The following PLEKHA1 variants were observed in gnomAD, a reference collection of about 807,000 sequenced individuals.
The protein encoded by PLEKHA1 is pleckstrin homology domain containing A1, also known as pleckstrin homology domain-containing family A member 1.
In PLEKHA1, 34 loss-of-function variants were observed where a neutral mutation model predicts 52.0. The observed-to-expected ratio is 0.65, with a 90% CI of 0.50 to 0.87. The LOEUF (loss-of-function observed/expected upper bound fraction) is 0.87. PLEKHA1 is among the 40% of genes least tolerant of loss of function. The pLI is 0.00. For synonymous variants in PLEKHA1, 163 were observed against 170.7 expected (o/e 0.95, Z 0.35); for missense variants, 497 against 504.2 (o/e 0.99, Z 0.14).
intron 4 of PLEKHA1, among the ~76,000 whole-genome samples, chr10:122,404,902 C>A: frequency 6.6e-6 from 1 of 152,198 alleles, no homozygotes; most frequent in East Asian, 1.9e-4. Context: ...TTCCCCTTCT[C>A]AGTCACATTG....
At chr10:122,387,943 T>C (rs1277486908) in intron 1 of PLEKHA1, 2 of 152,208 alleles carry the variant, frequency 1.3e-5, no homozygotes, top group African/African-American at 2.4e-5. Flanking sequence ...AACTAAGAAG[T>C]AAGATAAATG....
chr10:122,394,611 T>C (rs952622868), intron 2 of PLEKHA1, among the ~76,000 whole-genome samples: 1 of 152,208 alleles, frequency 6.6e-6, no homozygotes, highest in Non-Finnish European at 1.5e-5. Flanking sequence ...ATAAGTAGTC[T>C]AGTATTCTTC....
chr10:122,389,940 T>G (rs1336070791), intron 1 of PLEKHA1, among the ~76,000 whole-genome samples: 1 of 152,216 alleles, frequency 6.6e-6, no homozygotes, highest in South Asian at 2.1e-4. Flanking sequence ...CATTGACTTC[T>G]CTAGAACTGT....
chr10:122,408,166 AAGAT>A (rs557625475), intron 5 of PLEKHA1, among the ~76,000 whole-genome samples: 14 of 152,330 alleles, frequency 9.2e-5, no homozygotes, highest in African/African-American at 3.4e-4. Context: ...TTTCTTTAGA[AAGAT>A]AATATCTCGT....
downstream of PLEKHA1, chr10:122,432,545 A>G (rs543588126): frequency 2.5e-5 from 2 of 80,070 alleles, no homozygotes; most frequent in East Asian, 1.1e-3. Flanking sequence ...AGAAGGAAAA[A>G]TGATTTTTTT....
intron 1 of PLEKHA1, among the ~76,000 whole-genome samples, chr10:122,383,299 TTTTC>T (rs1282691115): frequency 2.0e-5 from 3 of 146,566 alleles, no homozygotes; most frequent in African/African-American, 7.4e-5. Context: ...TGCTTTTTTC[TTTTC>T]TTTCTTTCTG....
chr10:122,394,015 G>A (rs2096811986), intron 2 of PLEKHA1, among the ~76,000 whole-genome samples: 1 of 151,262 alleles, frequency 6.6e-6, no homozygotes, highest in Admixed American at 6.6e-5. Context: ...AGCCTTAAGA[G>A]GCCTGAGATT....
intron 8 of PLEKHA1, chr10:122,423,550 A>G (rs2097294589): frequency 6.6e-6 from 1 of 152,168 alleles, no homozygotes. Context: ...TGTATATTGT[A>G]TTTTATGGAA....
At chr10:122,376,525 T>C (rs2421014) in intron 1 of PLEKHA1, among the ~76,000 whole-genome samples, 1 of 84,950 alleles carries the variant, frequency 1.2e-5, no homozygotes, top group Admixed American at 1.2e-4. Flanking sequence ...TATATATATA[T>C]ATATATATAA....
chr10:122,399,534 A>C (rs4565845), intron 3 of PLEKHA1, among the ~76,000 whole-genome samples: 28,766 of 151,984 alleles, frequency 0.19, 3,144 homozygotes, highest in East Asian at 0.36. Context: ...CTTAATTATT[A>C]AGATTAAGAT....
At chr10:122,416,123 T>C (rs766990989) in intron 7 of PLEKHA1, 121 bp downstream of exon 7, 120 of 1,113,358 alleles carry the variant, frequency 1.1e-4, no homozygotes, top group Non-Finnish European at 1.5e-4. Context: ...ACCGGCATGC[T>C]GAGGAGAGTC....
chr10:122,423,896 G>T, intron 8 of PLEKHA1: 1 of 310,284 alleles, frequency 3.2e-6, no homozygotes, highest in Non-Finnish European at 5.7e-6. Context: ...TGGTACGTGG[G>T]TCCGTCGGGG....
chr10:122,387,937 A>G, intron 1 of PLEKHA1: 1 of 152,222 alleles, frequency 6.6e-6, no homozygotes, highest in African/African-American at 2.4e-5. Flanking sequence ...CTTTCAAACT[A>G]AGAAGTAAGA....
chr10:122,378,948 T>G (rs915313158), intron 1 of PLEKHA1, among the ~76,000 whole-genome samples: 10 of 152,136 alleles, frequency 6.6e-5, no homozygotes, highest in African/African-American at 2.4e-4. Flanking sequence ...AGGGATCTAT[T>G]TGGATACAAA....
downstream of PLEKHA1, chr10:122,434,747 T>G: frequency 9.2e-6 from 1 of 108,320 alleles, no homozygotes; most frequent in African/African-American, 3.7e-5. Context: ...GTCCCCAGAG[T>G]GTGATGTTCC....
chr10:122,383,271 TTTTTTTCTTTTCTTTCTTGC>T (rs2096639899), intron 1 of PLEKHA1, among the ~76,000 whole-genome samples: 1 of 151,808 alleles, frequency 6.6e-6, no homozygotes, highest in Non-Finnish European at 1.5e-5. Flanking sequence ...CCAGATAACA[TTTTTTTCTTTTCTTTCTTGC>T]TTTTTTCTTT....
At position 122,374,755 on chromosome 10, in the gene PLEKHA1, C is replaced by A. The variant is rs1036130925; in HGVS notation, c.-72C>A. The stretch of plus-strand genomic sequence containing the variant: ...CGGACGCCGCTCCGGGCAGCCGAGC[C>A]TCTGTGGGAGCCGGGGCCGCGGCGG... On this transcript the variant is annotated 5_prime_UTR_variant, in exon 1 of 12. Transcript: ENST00000368990. The A allele has an allele frequency of 6.6e-6, 1 of 151,900 alleles. No individual in the cohort carries two copies. Among genetic ancestry groups the A allele is most frequent in the Non-Finnish European group, 1.5e-5 (1 of 67,982 alleles). The allele number at this position is 151,900 out of a possible 1,614,324, so 9.4% of individuals were successfully genotyped here. A position where few individuals can be genotyped will look rare whatever the true frequency, so the allele number is the denominator to read the frequency against.
chr10:122,384,941 A>C (rs2096667705), intron 1 of PLEKHA1, among the ~76,000 whole-genome samples: 1 of 152,156 alleles, frequency 6.6e-6, no homozygotes, highest in African/African-American at 2.4e-5. Context: ...TGGGCAACAG[A>C]GTGAGACTCT....
At chr10:122,404,579 C>T (rs975851087) in intron 4 of PLEKHA1, among the ~76,000 whole-genome samples, 1 of 152,178 alleles carries the variant, frequency 6.6e-6, no homozygotes, top group Non-Finnish European at 1.5e-5. Flanking sequence ...AAAAGGAAGC[C>T]TTACCGATGG....
Sources: allele counts gnomAD v4.1 joint callset (sites outside exome capture counted in the v4.1 genomes callset), GRCh38; gene constraint gnomAD v4.1.1; transcripts MANE v1.5; gene names NCBI Gene and HGNC (gene_info 2026-07-23, HGNC 2026-07-21).